BFSP1: variants seen among roughly 807,000 people sequenced by gnomAD.
BFSP1 encodes the protein beaded filament structural protein 1.
Under a neutral mutation model 43.9 loss-of-function variants are expected in BFSP1, and 38 were observed. The observed-to-expected ratio is 0.87, with a 90% confidence interval of 0.67 to 1.14. The LOEUF (loss-of-function observed/expected upper bound fraction) is 1.14. Among genes scored for constraint, BFSP1 ranks in the 50% most tolerant of loss-of-function variants. BFSP1 has a pLI of 0.00. For synonymous variants in BFSP1, 352 were observed against 354.8 expected (o/e 0.99, Z 0.09); for missense variants, 850 against 875.1 (o/e 0.97, Z 0.36).
At chr20:17,524,961 T>C in intron 1 of BFSP1, 53 bp from the exon 2 acceptor site, 1 of 1,462,446 alleles carries the variant, frequency 6.8e-7, no homozygotes, top group Non-Finnish European at 9.6e-7. Context: ...CTTTCACATG[T>C]ATGGATCACA....
rs576791068 is a variant in BFSP1, at chr20:17,512,511, G to A, written c.535-443C>T. On this transcript the variant is annotated intron_variant, in intron 3 of 7. Coordinates refer to ENST00000377873, the MANE Select transcript of BFSP1 (RefSeq NM_001195.5). Reference sequence around the variant, plus strand: ...GCAGGTGGATTGCTTGAGCCCAGGAGTTGGAGACCAGCCTGGGCAACATAG... The same window carrying A: ...GCAGGTGGATTGCTTGAGCCCAGGAATTGGAGACCAGCCTGGGCAACATAG... 9.2e-5 allele frequency among the ~76,000 whole-genome samples: 14 copies of A among 152,288 alleles called. No homozygotes were observed. In the South Asian group the frequency reaches 2.9e-3, roughly 32 times the overall value.
At position 17,530,842 on chromosome 20, in the gene BFSP1, A is replaced by C. The variant is rs184818957; in HGVS notation, c.377+111T>G. ...TGCAGGGATGAGGTCATCGATCGAC[A>C]GGGGACCAGAGACGGCGCTCCACCC... On this transcript the variant is annotated intron_variant, in intron 1 of 7. Transcript: ENST00000377873. 0.011 allele frequency: 13,400 copies of C among 1,203,506 alleles called. 98 individuals carry two copies. Among genetic ancestry groups the C allele is most frequent in the South Asian group, 0.014 (535 of 37,400 alleles). The allele number at this position is 1,203,506 out of a possible 1,614,324, so 74.6% of individuals were successfully genotyped here.
At chr20:17,503,202 T>A (rs188085871) in intron 5 of BFSP1, among the ~76,000 whole-genome samples, 1,880 of 135,222 alleles carry the variant, frequency 0.014, 30 homozygotes, top group African/African-American at 0.062. Flanking sequence ...TAAAAAAAAA[T>A]TTTTTTTTGT....
intron 6 of BFSP1, 140 bp from the exon 7 acceptor site, chr20:17,497,163 C>G (rs531451131): frequency 1.2e-5 from 7 of 577,160 alleles, no homozygotes; most frequent in African/African-American, 3.9e-5. Flanking sequence ...AAACAGACAG[C>G]CATACACACA....
chr20:17,541,477 CT>C (rs1317860391), intron 1 of BFSP1, among the ~76,000 whole-genome samples: 1 of 152,142 alleles, frequency 6.6e-6, no homozygotes, highest in African/African-American at 2.4e-5. Flanking sequence ...TTTACATTGT[CT>C]GTCATCATTA....
At chr20:17,518,894 G>T (rs532571497) in intron 2 of BFSP1, among the ~76,000 whole-genome samples, 1 of 152,284 alleles carries the variant, frequency 6.6e-6, no homozygotes, top group African/African-American at 2.4e-5. Context: ...CTGACAGCTG[G>T]ACCACACGAT....
At chr20:17,526,480 A>G (rs1016039773) in intron 1 of BFSP1, among the ~76,000 whole-genome samples, 2 of 152,180 alleles carry the variant, frequency 1.3e-5, no homozygotes, top group Non-Finnish European at 2.9e-5. Flanking sequence ...AGTTTCAACC[A>G]TATTGTAGCA....
At chr20:17,535,840 G>A (rs1415088988), upstream of BFSP1, among the ~76,000 whole-genome samples, 1 of 152,230 alleles carries the variant, frequency 6.6e-6, no homozygotes, top group Non-Finnish European at 1.5e-5. Flanking sequence ...TAATGGCTAA[G>A]AGAGGGAGAG....
In BFSP1 at chr20:17,531,172, G is replaced by T. The variant is rs1398717223; in HGVS notation, c.158C>A (p.Ala53Asp). 1 of 1,290,634 alleles carries T rather than the reference G, an allele frequency of 7.7e-7. No homozygotes were observed. The highest frequency in any genetic ancestry group is 9.8e-7 in the Non-Finnish European group (1 of 1,021,616). 79.9% of individuals were successfully genotyped at this position (1,290,634 alleles called of 1,614,324 possible). ...GAGGGCGCGGGCCCGCTGGACGTGG[G>T]CGGCCACGCGCTCGCCGAGCCCCTG... ...ALQGLGERVAAHVQRARALEQ... is the reference protein window; with the variant it reads ...ALQGLGERVADHVQRARALEQ... The change falls in exon 1 of 8, where the codon GCC becomes GAC. Residue 53 changes from alanine to aspartate, a missense_variant. By Grantham distance (126) the Ala-to-Asp change is moderately radical (BLOSUM62 -2). Coordinates refer to ENST00000377873, the MANE Select transcript of BFSP1 (RefSeq NM_001195.5).
intron 1 of BFSP1, 102 bp downstream of exon 1, chr20:17,530,851 G>A: frequency 8.0e-7 from 1 of 1,243,668 alleles, no homozygotes; most frequent in Admixed American, 4.2e-5. Context: ...CAGGGGACCA[G>A]AGACGGCGCT....
At chr20:17,512,777 AGT>A (rs2034117194) in intron 3 of BFSP1, among the ~76,000 whole-genome samples, 1 of 152,204 alleles carries the variant, frequency 6.6e-6, no homozygotes, top group South Asian at 2.1e-4. Context: ...CAACACCAGC[AGT>A]GTTTCAAAGA....
At chr20:17,550,672 C>T (rs1422660161) in intron 1 of BFSP1, among the ~76,000 whole-genome samples, 1 of 152,096 alleles carries the variant, frequency 6.6e-6, no homozygotes, top group East Asian at 1.9e-4. Context: ...GGGGTTTCAC[C>T]ATGTTGGCCA....
intron 1 of BFSP1, among the ~76,000 whole-genome samples, chr20:17,544,101 G>A (rs73256679): frequency 8.1e-4 from 124 of 152,302 alleles, no homozygotes; most frequent in African/African-American, 2.9e-3. Flanking sequence ...ATGATCCCAG[G>A]ACACCAGTAG....
At chr20:17,512,467 A>G (rs1284013495) in intron 3 of BFSP1, among the ~76,000 whole-genome samples, 1 of 152,164 alleles carries the variant, frequency 6.6e-6, no homozygotes, top group Non-Finnish European at 1.5e-5. Flanking sequence ...CTGTACTCCC[A>G]GCACTTTGGG....
chr20:17,500,393 G>T (rs2033767088), intron 5 of BFSP1, among the ~76,000 whole-genome samples: 1 of 152,224 alleles, frequency 6.6e-6, no homozygotes, highest in Non-Finnish European at 1.5e-5. Context: ...GGTCCCATAA[G>T]AGTACAATGG....
chr20:17,495,364 A>G (rs1183777218), intron 7 of BFSP1, among the ~76,000 whole-genome samples: 1 of 152,196 alleles, frequency 6.6e-6, no homozygotes, highest in African/African-American at 2.4e-5. Flanking sequence ...ACTCAATGGG[A>G]GCCCTAGCCC....
intron 3 of BFSP1, among the ~76,000 whole-genome samples, chr20:17,512,547 T>C (rs1331922132): frequency 6.6e-6 from 1 of 152,184 alleles, no homozygotes; most frequent in South Asian, 2.1e-4. Flanking sequence ...TAAGATCCCA[T>C]TTCTACAAAA....
upstream of BFSP1, chr20:17,531,385 C>G (rs1386427849): frequency 6.8e-5 from 88 of 1,290,386 alleles, 1 homozygote; most frequent in Middle Eastern, 2.7e-3. Flanking sequence ...AGGAGGCCCC[C>G]GGCGCAGCCC....
intron 1 of BFSP1, among the ~76,000 whole-genome samples, chr20:17,552,598 TC>T (rs1418111987): frequency 6.6e-6 from 1 of 152,136 alleles, no homozygotes; most frequent in African/African-American, 2.4e-5. Context: ...ATTGCAGTAA[TC>T]CAGTTTAGAG....
Sources: allele counts gnomAD v4.1 joint callset (sites outside exome capture counted in the v4.1 genomes callset), GRCh38; gene constraint gnomAD v4.1.1; transcripts MANE v1.5; gene names NCBI Gene and HGNC (gene_info 2026-07-23, HGNC 2026-07-21).